The following ZNF37A variants were observed in gnomAD, a reference collection of about 807,000 sequenced individuals.
The protein encoded by ZNF37A is zinc finger protein 37A.
A neutral mutation model predicts 12.3 loss-of-function variants in ZNF37A; 10 were observed. The observed-to-expected ratio is 0.82, with a 90% CI of 0.50 to 1.38. The LOEUF is 1.38. Ranked by LOEUF, ZNF37A falls within the 40% of genes most tolerant of loss-of-function variation. The pLI is 0.00. For synonymous variants in ZNF37A, 207 were observed against 223.0 expected (o/e 0.93, Z 0.64); for missense variants, 580 against 651.2 (o/e 0.89, Z 1.19).
intron 5 of ZNF37A, among the ~76,000 whole-genome samples, chr10:38,100,877 A>C (rs2384730): frequency 0.41 from 62,372 of 151,812 alleles, 13,015 homozygotes; most frequent in East Asian, 0.5. Flanking sequence ...GACAGGCATA[A>C]GAAATTATAA....
chr10:38,115,664 C>T (rs1009164203), intron 7 of ZNF37A: 2 of 154,894 alleles, frequency 1.3e-5, no homozygotes, highest in African/African-American at 4.8e-5. Context: ...AGCATCCCTC[C>T]TTTTGTAAAA....
chr10:38,103,998 T>C (rs2067813100), intron 5 of ZNF37A, among the ~76,000 whole-genome samples: 1 of 152,204 alleles, frequency 6.6e-6, no homozygotes, highest in African/African-American at 2.4e-5. Flanking sequence ...TGTGAAAGCT[T>C]AGGTTCCTCT....
At chr10:38,096,480 G>T in intron 4 of ZNF37A, 94 bp from the exon 5 acceptor site, 1 of 769,720 alleles carries the variant, frequency 1.3e-6, no homozygotes, top group Non-Finnish European at 2.2e-6. Flanking sequence ...ATGCATGGGC[G>T]TGTGAGTATC....
At chr10:38,110,731 A>C (rs2068574607) in intron 5 of ZNF37A, among the ~76,000 whole-genome samples, 2 of 152,376 alleles carry the variant, frequency 1.3e-5, no homozygotes, top group Non-Finnish European at 2.9e-5. Flanking sequence ...ATATGAAAAA[A>C]AGCTCATCAT....
At chr10:38,107,085 T>C (rs773745835) in intron 5 of ZNF37A, among the ~76,000 whole-genome samples, 1 of 152,084 alleles carries the variant, frequency 6.6e-6, no homozygotes, top group Non-Finnish European at 1.5e-5. Flanking sequence ...AAGGAAAACA[T>C]TTTAAGGGCA....
chr10:38,137,214 G>C (rs1316829735), intron 7 of ZNF37A: 1 of 151,874 alleles, frequency 6.6e-6, no homozygotes, highest in Non-Finnish European at 1.5e-5. Flanking sequence ...TGTTGTTTTT[G>C]TTGTTGACTG....
At chr10:38,125,053 C>T (rs1438958263), downstream of ZNF37A, 1 of 152,098 alleles carries the variant, frequency 6.6e-6, no homozygotes, top group Admixed American at 6.5e-5. Context: ...AGAGCTCAAA[C>T]TTAAAACTTG....
At chr10:38,116,696 AG>A (rs1022540761) in intron 7 of ZNF37A, among the ~76,000 whole-genome samples, 2 of 152,236 alleles carry the variant, frequency 1.3e-5, no homozygotes, top group African/African-American at 2.4e-5. Flanking sequence ...GATGAAATAA[AG>A]GGCAAATCCC....
chr10:38,112,548 A>G (rs1334231210), intron 5 of ZNF37A, among the ~76,000 whole-genome samples: 2 of 151,662 alleles, frequency 1.3e-5, no homozygotes, highest in Non-Finnish European at 2.9e-5. Context: ...TTTCCCTCCA[A>G]AAAAGTCTCT....
intron 7 of ZNF37A, 177 bp from the exon 8 acceptor site, chr10:38,117,213 A>G (rs1306590279): frequency 4.1e-6 from 4 of 985,032 alleles, no homozygotes; most frequent in Non-Finnish European, 4.8e-6. Context: ...TAGAAATTTA[A>G]TTTGTTGCTG....
downstream of ZNF37A, among the ~76,000 whole-genome samples, chr10:38,129,319 A>AAAAAAAAAAAAAAACAACAAC: frequency 2.6e-5 from 3 of 116,292 alleles, no homozygotes; most frequent in East Asian, 4.0e-4. Flanking sequence ...AAAAAAAAAA[A>AAAAAAAAAAAAAAACAACAAC]AAACTATTAT....
chr10:38,118,062 G>A lies in ZNF37A; in HGVS notation c.911G>A (p.Cys304Tyr). ...GGAAAACCCTATGAATGTCATGAATGTGGGAAGACCTTCTATAAGAATTCA... is the reference window on the plus strand; with the variant it reads ...GGAAAACCCTATGAATGTCATGAATATGGGAAGACCTTCTATAAGAATTCA... Reference protein sequence around the residue: ...TGGKPYECHECGKTFYKNSDL... With the variant: ...TGGKPYECHEYGKTFYKNSDL... The change falls in exon 8 of 8, where the codon TGT becomes TAT. Residue 304 changes from cysteine to tyrosine, a missense_variant. Cys to Tyr is a radical substitution (Grantham distance 194). Coordinates refer to ENST00000685332, the MANE Select transcript of ZNF37A (RefSeq NM_001324250.3). 1 of 1,614,080 alleles carries A rather than the reference G, an allele frequency of 6.2e-7. No homozygotes were observed. The highest frequency in any genetic ancestry group is 1.1e-5 in the South Asian group (1 of 91,078).
chr10:38,129,317 A>C (rs1423775254), downstream of ZNF37A, among the ~76,000 whole-genome samples: 4 of 138,154 alleles, frequency 2.9e-5, no homozygotes, highest in Admixed American at 2.9e-4. Flanking sequence ...AAAAAAAAAA[A>C]AAAAACTATT....
At chr10:38,109,415 C>T (rs565005805) in intron 5 of ZNF37A, among the ~76,000 whole-genome samples, 10 of 152,228 alleles carry the variant, frequency 6.6e-5, no homozygotes, top group South Asian at 2.1e-4. Flanking sequence ...GGAGCATTCC[C>T]GTTGAAAACC....
chr10:38,125,842 G>A (rs2069917674), downstream of ZNF37A, among the ~76,000 whole-genome samples: 1 of 152,184 alleles, frequency 6.6e-6, no homozygotes, highest in African/African-American at 2.4e-5. Flanking sequence ...ATTGGTTCAG[G>A]TTCTGCAGGC....
Position 38,095,575 on chromosome 10 carries a change from T to C in ZNF37A, c.-160T>C, listed in dbSNP as rs2067083852. 1 of 152,202 alleles carries C rather than the reference T, an allele frequency of 6.6e-6. No homozygotes were observed. The highest frequency in any genetic ancestry group is 2.1e-4 in the South Asian group (1 of 4,834). 9.4% of individuals were successfully genotyped at this position (152,202 alleles called of 1,614,324 possible). On this transcript the variant is annotated 5_prime_UTR_variant, in exon 3 of 8. The change abolishes an upstream ATG in the 5' untranslated region. Coordinates refer to ENST00000685332, the MANE Select transcript of ZNF37A (RefSeq NM_001324250.3). The stretch of plus-strand genomic sequence containing the variant: ...TGGCGCACTGCAGCACAACTAGAGA[T>C]GTACGGATGCCCCCATCTTGATCTT...
At chr10:38,106,607 A>T (rs924125114) in intron 5 of ZNF37A, among the ~76,000 whole-genome samples, 2 of 152,164 alleles carry the variant, frequency 1.3e-5, no homozygotes, top group African/African-American at 4.8e-5. Flanking sequence ...AAGAATCTTG[A>T]TAAAAGGATA....
At chr10:38,130,293 T>G (rs2070004301), downstream of ZNF37A, among the ~76,000 whole-genome samples, 1 of 152,148 alleles carries the variant, frequency 6.6e-6, no homozygotes. Context: ...GGCACATGGG[T>G]GATTTGTACC....
At chr10:38,111,062 AG>A (rs2068604512) in intron 5 of ZNF37A, among the ~76,000 whole-genome samples, 1 of 152,216 alleles carries the variant, frequency 6.6e-6, no homozygotes, top group Non-Finnish European at 1.5e-5. Context: ...TGTTCACAAT[AG>A]CAAAGACTTG....
Sources: gnomAD v4.1 joint callset for allele counts (sites outside exome capture counted in the v4.1 genomes callset) on GRCh38, gnomAD v4.1.1 for gene constraint, MANE v1.5 for transcripts, NCBI Gene and HGNC (gene_info 2026-07-23, HGNC 2026-07-21) for gene names.